The following XRCC5 variants were observed in gnomAD, a reference collection of about 807,000 sequenced individuals.
The protein encoded by XRCC5 is DNA repair protein Ku80.
A neutral mutation model predicts 95.7 loss-of-function variants in XRCC5; 12 were observed. That is an observed-to-expected ratio of 0.13 (90% CI 0.08 to 0.20). The LOEUF (loss-of-function observed/expected upper bound fraction) is 0.20. Ranked by LOEUF, XRCC5 falls within the 10% of genes least tolerant of loss-of-function variation. The pLI is 1.00. For missense variants in XRCC5, 595 were observed against 873.9 expected (o/e 0.68, Z 4.02); for synonymous variants, 281 against 290.3 (o/e 0.97, Z 0.33).
In XRCC5 at chr2:216,132,467, A is replaced by G. The variant is rs1697011043; in HGVS notation, c.1113+80A>G. On this transcript the variant is annotated intron_variant, in intron 10 of 20. Coordinates refer to ENST00000392132, the MANE Select transcript of XRCC5 (RefSeq NM_021141.4). ...TGAAAGCAAGTTGTTTGGGGCTTTT[A>G]TAGTTTAAAATGACATGAATTCTTG... 15 of 1,384,894 alleles carry G rather than the reference A, an allele frequency of 1.1e-5. No individual in the cohort carries two copies. The Admixed American group carries it at 1.4e-4, about 13-fold the overall frequency. The allele number at this position is 1,384,894 out of a possible 1,614,324, so 85.8% of individuals were successfully genotyped here.
intron 16 of XRCC5, among the ~76,000 whole-genome samples, chr2:216,185,652 A>T (rs1368334771): frequency 6.6e-6 from 1 of 150,986 alleles, no homozygotes; most frequent in African/African-American, 2.4e-5. Flanking sequence ...GTCATTGGCT[A>T]CATAAATTTG....
At chr2:216,127,705 A>G (rs2106007175) in intron 8 of XRCC5, 31 bp downstream of exon 8, 3 of 1,562,988 alleles carry the variant, frequency 1.9e-6, no homozygotes, top group South Asian at 1.2e-5. Flanking sequence ...ACTGTTGCCT[A>G]AAAGACATTT....
chr2:216,173,293 T>C (rs927935257), intron 16 of XRCC5, among the ~76,000 whole-genome samples: 4 of 152,194 alleles, frequency 2.6e-5, no homozygotes, highest in Non-Finnish European at 5.9e-5. Flanking sequence ...ATCCTTGCCC[T>C]GTTCCTGATC....
chr2:216,195,093 C>G (rs1689689967), intron 19 of XRCC5, 107 bp downstream of exon 19: 3 of 987,524 alleles, frequency 3.0e-6, no homozygotes, highest in African/African-American at 1.6e-5. Flanking sequence ...TTAGTGTACT[C>G]ATTTTGTATT....
At chr2:216,139,748 T>G (rs1697144792) in intron 12 of XRCC5, among the ~76,000 whole-genome samples, 1 of 152,110 alleles carries the variant, frequency 6.6e-6, no homozygotes, top group Admixed American at 6.5e-5. Context: ...GTTCAAACAA[T>G]CCTCACATCT....
At chr2:216,181,798 G>C (rs1332811354) in intron 16 of XRCC5, among the ~76,000 whole-genome samples, 1 of 152,144 alleles carries the variant, frequency 6.6e-6, no homozygotes, top group African/African-American at 2.4e-5. Flanking sequence ...TACTTCTCTG[G>C]TTCTTTGGAT....
intron 15 of XRCC5, 97 bp from the exon 16 acceptor site, chr2:216,161,882 A>G (rs1574472502): frequency 1.0e-6 from 1 of 973,728 alleles, no homozygotes; most frequent in East Asian, 2.5e-5. Context: ...TTTATTTTAT[A>G]AGAGCACACT....
chr2:216,194,925 T>C lies in XRCC5; in HGVS notation c.2048T>C (p.Ile683Thr). The C allele has an allele frequency of 6.2e-7, 1 of 1,614,150 alleles. No individual in the cohort carries two copies. Among genetic ancestry groups the C allele is most frequent in the Non-Finnish European group, 8.5e-7 (1 of 1,179,990 alleles). ...HFWEIVVQDG[I>T]TLITKEEASG... ...TCTCTGAATTACTTTTTAGATGGAA[T>C]TACTCTGATCACCAAAGAGGAAGCC... Residue 683 changes from isoleucine (I) to threonine (T), a missense_variant, in exon 19 of 21, where the codon ATT becomes ACT. This residue lies in a region of XRCC5 where 309 missense variants were observed against 382.9 expected (regional missense o/e 0.81). Transcript: ENST00000392132.
chr2:216,159,263 T>G (rs1007559910), intron 14 of XRCC5, among the ~76,000 whole-genome samples: 4 of 152,190 alleles, frequency 2.6e-5, no homozygotes, highest in Admixed American at 6.5e-5. Flanking sequence ...TTTCTTTATG[T>G]TCAGCAGCTT....
intron 14 of XRCC5, 90 bp from the exon 15 acceptor site, chr2:216,159,978 T>C (rs1408630751): frequency 1.6e-6 from 1 of 642,464 alleles, no homozygotes; most frequent in Non-Finnish European, 2.5e-6. Context: ...TTTTTTCTTT[T>C]TTTTTTTTGG....
At chr2:216,156,581 C>T (rs537219196) in intron 14 of XRCC5, 12 of 584,482 alleles carry the variant, frequency 2.1e-5, no homozygotes, top group East Asian at 1.3e-4. Flanking sequence ...ATGGTACTCA[C>T]GAACTTGTGC....
intron 10 of XRCC5, among the ~76,000 whole-genome samples, chr2:216,136,781 T>C (rs192679955): frequency 5.1e-4 from 78 of 152,206 alleles, no homozygotes; most frequent in Non-Finnish European, 8.2e-4. Flanking sequence ...TAGCAATTTG[T>C]GGAGAGGGAA....
chr2:216,175,985 A>G (rs1033456773), intron 16 of XRCC5: 15 of 276,078 alleles, frequency 5.4e-5, no homozygotes, highest in African/African-American at 3.3e-4. Context: ...GGCAATGACA[A>G]CGGCCAGAGT....
intron 12 of XRCC5, among the ~76,000 whole-genome samples, chr2:216,140,529 G>A (rs1226229906): frequency 6.6e-6 from 1 of 152,146 alleles, no homozygotes; most frequent in Non-Finnish European, 1.5e-5. Context: ...TTAGTATTAG[G>A]AGAGACCTAA....
chr2:216,114,946 T>C (rs1696661265), intron 2 of XRCC5, among the ~76,000 whole-genome samples: 2 of 152,064 alleles, frequency 1.3e-5, no homozygotes. Context: ...TAATTCGGGC[T>C]GCTCAAGGGA....
intron 17 of XRCC5, among the ~76,000 whole-genome samples, chr2:216,192,085 G>T (rs1436001464): frequency 2.6e-5 from 4 of 151,946 alleles, no homozygotes; most frequent in African/African-American, 9.7e-5. Context: ...TGCAACCTCC[G>T]CCTCCCGGGT....
intron 8 of XRCC5, 59 bp downstream of exon 8, chr2:216,127,733 T>C (rs1696920321): frequency 6.6e-7 from 1 of 1,506,822 alleles, no homozygotes; most frequent in African/African-American, 1.4e-5. Flanking sequence ...CATGATGTGA[T>C]GCAGGCTGGG....
chr2:216,166,399 GGTGT>G (rs1689054835), intron 16 of XRCC5, among the ~76,000 whole-genome samples: 1 of 152,172 alleles, frequency 6.6e-6, no homozygotes, highest in South Asian at 2.1e-4. Flanking sequence ...TGGGATTACA[GGTGT>G]GAGCCACCAA....
chr2:216,155,887 A>G (rs760409630), intron 14 of XRCC5, among the ~76,000 whole-genome samples: 34 of 152,344 alleles, frequency 2.2e-4, no homozygotes, highest in African/African-American at 7.9e-4. Context: ...ACTAAAATAC[A>G]ACGAGAAGGG....
Sources: gnomAD v4.1 joint callset for allele counts (sites outside exome capture counted in the v4.1 genomes callset) on GRCh38, gnomAD v4.1.1 for gene constraint, gnomAD v4.1.1 regional missense constraint, MANE v1.5 for transcripts, NCBI Gene and HGNC (gene_info 2026-07-23, HGNC 2026-07-21) for gene names.